NOP58: variants seen among roughly 807,000 people sequenced by gnomAD.
NOP58 encodes the protein nucleolar protein 58.
A neutral mutation model predicts 71.2 loss-of-function variants in NOP58; 44 were observed. The ratio of observed to expected loss-of-function variants is 0.62; its 90% CI spans 0.49 to 0.79. NOP58 has a LOEUF of 0.79. Among genes scored for constraint, NOP58 ranks in the 30% least tolerant of loss-of-function variants. The pLI is 0.00. For missense variants in NOP58, 538 were observed against 620.2 expected (o/e 0.87, Z 1.41); for synonymous variants, 228 against 200.3 (o/e 1.14, Z -1.17).
chr2:202,300,441 G>C lies in NOP58; in HGVS notation c.1402+74G>C, dbSNP rs986223287. On this transcript the variant is annotated intron_variant, in intron 13 of 14. Coordinates refer to ENST00000264279, the MANE Select transcript of NOP58 (RefSeq NM_015934.5). ...ACTGTGGATTTTGTGAGTCTTAAAA[G>C]TACATGCCATCCCACTTTATTATAA... 2.4e-6 allele frequency: 3 copies of C among 1,230,178 alleles called. No individual in the cohort carries two copies. In the African/African-American group the frequency reaches 4.6e-5, roughly 19 times the overall value. 76.2% of individuals were successfully genotyped at this position (1,230,178 alleles called of 1,614,324 possible).
At chr2:202,293,883 C>G (rs1423904852) in intron 9 of NOP58, among the ~76,000 whole-genome samples, 1 of 151,932 alleles carries the variant, frequency 6.6e-6, no homozygotes, top group African/African-American at 2.4e-5. Context: ...CCTGGCGTAA[C>G]TCCTTTAGCT....
chr2:202,300,259 G>T lies in NOP58; in HGVS notation c.1294G>T (p.Gly432Cys). The T allele has an allele frequency of 6.3e-7, 1 of 1,594,466 alleles. No individual in the cohort carries two copies. The highest frequency in any genetic ancestry group is 8.5e-7 in the Non-Finnish European group (1 of 1,175,684). The change falls in exon 13 of 15, where the codon GGT becomes TGT. Residue 432 changes from glycine to cysteine, a missense_variant. Transcript: ENST00000264279. ...TGAAGTGAAGACTTACGATCCTTCT[G>T]GTGACTCCACACTTCCAACCTGTTC... ...KSEVKTYDPS[G>C]DSTLPTCSKK...
At chr2:202,295,615 A>C in intron 9 of NOP58, 59 bp from the exon 10 acceptor site, 9 of 1,213,280 alleles carry the variant, frequency 7.4e-6, no homozygotes, top group Non-Finnish European at 1.0e-5. Context: ...CTTTTGTTTC[A>C]GTACGTGGAA....
rs182759383 is a variant in NOP58, at chr2:202,294,497, T to G, written c.908-1177T>G. On this transcript the variant is annotated intron_variant, in intron 9 of 14. Transcript: ENST00000264279. ...TTGATAACAATAGTCCCCAGCTATT[T>G]ATGGAGATGTATTCTAAGCTCCCCC... 9.2e-5 allele frequency among the ~76,000 whole-genome samples: 14 copies of G among 152,262 alleles called. No individual in the cohort carries two copies. In the East Asian group the frequency reaches 1.9e-3, roughly 21 times the overall value.
In NOP58 at chr2:202,293,575, T is replaced by C. The variant is rs1014320265; in HGVS notation, c.907+672T>C. On this transcript the variant is annotated intron_variant, in intron 9 of 14. Coordinates refer to ENST00000264279, the MANE Select transcript of NOP58 (RefSeq NM_015934.5). ...ATCATCTGCATCAGAGTGTTTAAAA[T>C]GGCATAACTCCTTTTTTTTTGTTTG... Among the ~76,000 whole-genome samples the C allele has an allele frequency of 7.2e-5, 11 of 152,208 alleles. 1 individual carries two copies. The highest frequency in any genetic ancestry group is 1.9e-4 in the African/African-American group (8 of 41,466).
At chr2:202,298,184 AT>A (rs1174514731) in intron 12 of NOP58, among the ~76,000 whole-genome samples, 5 of 152,218 alleles carry the variant, frequency 3.3e-5, no homozygotes, top group African/African-American at 1.2e-4. Flanking sequence ...AATATAATAC[AT>A]TGTTAGCTGT....
intron 2 of NOP58, among the ~76,000 whole-genome samples, chr2:202,277,258 T>C (rs963874035): frequency 6.6e-6 from 1 of 151,062 alleles, no homozygotes; most frequent in Non-Finnish European, 1.5e-5. Flanking sequence ...TGAGCCGAGA[T>C]TGCGCCACTG....
intron 5 of NOP58, 163 bp downstream of exon 5, chr2:202,284,644 C>A: frequency 2.9e-6 from 2 of 678,858 alleles, no homozygotes; most frequent in Non-Finnish European, 2.3e-6. Context: ...AGCCCAAGGT[C>A]AATACAGCTG....
intron 3 of NOP58, among the ~76,000 whole-genome samples, chr2:202,281,234 C>T (rs929103549): frequency 4.6e-5 from 7 of 151,336 alleles, no homozygotes; most frequent in African/African-American, 1.7e-4. Flanking sequence ...TCAAGCGATT[C>T]TCCTACCTCA....
At chr2:202,298,170 C>A (rs769285065) in intron 12 of NOP58, among the ~76,000 whole-genome samples, 73 of 152,136 alleles carry the variant, frequency 4.8e-4, no homozygotes, top group Non-Finnish European at 7.5e-4. Flanking sequence ...TAGCAATTTT[C>A]AAGAATATAA....
chr2:202,289,459 C>T (rs1688849892), intron 6 of NOP58, among the ~76,000 whole-genome samples: 1 of 152,158 alleles, frequency 6.6e-6, no homozygotes, highest in East Asian at 1.9e-4. Context: ...GTAAAATTAC[C>T]TTCAAGGTTT....
chr2:202,268,147 GAT>G (rs1171207596), intron 1 of NOP58, among the ~76,000 whole-genome samples: 1 of 152,114 alleles, frequency 6.6e-6, no homozygotes, highest in Non-Finnish European at 1.5e-5. Flanking sequence ...AAATTAATAT[GAT>G]ATATGGTGAA....
chr2:202,294,336 C>CAAAA (rs1231907557), intron 9 of NOP58, among the ~76,000 whole-genome samples: 2 of 71,444 alleles, frequency 2.8e-5, no homozygotes, highest in Non-Finnish European at 2.8e-5. Flanking sequence ...AACTCCATCT[C>CAAAA]AAAAAAAAAA....
At chr2:202,281,357 T>C (rs1461214952) in intron 3 of NOP58, among the ~76,000 whole-genome samples, 1 of 151,876 alleles carries the variant, frequency 6.6e-6, no homozygotes, top group African/African-American at 2.4e-5. Context: ...ACTCCTGACC[T>C]TAGGTGATCT....
Position 202,277,933 on chromosome 2 carries a change from T to C in NOP58, c.123-17T>C, listed in dbSNP as rs571450282. On this transcript the variant is annotated splice_polypyrimidine_tract_variant and intron_variant, in intron 2 of 14. Transcript: ENST00000264279. Reference sequence around the variant, plus strand: ...TGCCCCCAATAACATGTTTATCTCTTTTTTTTTTAATTCTAGAGTAAAGCT... The same window carrying C: ...TGCCCCCAATAACATGTTTATCTCTCTTTTTTTTAATTCTAGAGTAAAGCT... 3.5e-4 allele frequency: 455 copies of C among 1,312,458 alleles called. 2 individuals carry two copies. The highest frequency in any genetic ancestry group is 1.8e-4 in the African/African-American group (4 of 22,364). The allele number at this position is 1,312,458 out of a possible 1,614,324, so 81.3% of individuals were successfully genotyped here. A position where few individuals can be genotyped will look rare whatever the true frequency, so the allele number is the denominator to read the frequency against.
intron 1 of NOP58, among the ~76,000 whole-genome samples, chr2:202,272,375 C>T (rs1207331698): frequency 5.3e-5 from 8 of 151,846 alleles, no homozygotes; most frequent in African/African-American, 1.9e-4. Flanking sequence ...AGGATGGTCT[C>T]GATCTCCTGA....
rs372397138 is a variant in NOP58 at position 202,277,877 on chromosome 2, T to C, written c.123-73T>C. On this transcript the variant is annotated intron_variant, in intron 2 of 14. Coordinates refer to ENST00000264279, the MANE Select transcript of NOP58 (RefSeq NM_015934.5). ...CTTTGGAAACAGTCAAGCACTTCTTTCCAAGTTATGTGGCTTTTGAATCAA... is the reference window on the plus strand; with the variant it reads ...CTTTGGAAACAGTCAAGCACTTCTTCCCAAGTTATGTGGCTTTTGAATCAA... 53 of 796,972 alleles carry C rather than the reference T, an allele frequency of 6.7e-5. 1 individual carries two copies. The South Asian group carries it at 7.9e-4, about 12-fold the overall frequency. The allele number at this position is 796,972 out of a possible 1,614,324, so 49.4% of individuals were successfully genotyped here.
intron 3 of NOP58, among the ~76,000 whole-genome samples, chr2:202,281,826 C>T (rs190755610): frequency 5.9e-5 from 9 of 152,262 alleles, no homozygotes; most frequent in East Asian, 1.9e-4. Context: ...GAAATACCAG[C>T]GGTCTCAAAA....
chr2:202,269,185 T>C (rs1688474403), intron 1 of NOP58, among the ~76,000 whole-genome samples: 1 of 151,096 alleles, frequency 6.6e-6, no homozygotes, highest in South Asian at 2.1e-4. Context: ...ATTTATTTAT[T>C]TTTTGAGATG....
Sources: allele counts gnomAD v4.1 joint callset (sites outside exome capture counted in the v4.1 genomes callset), GRCh38; gene constraint gnomAD v4.1.1; transcripts MANE v1.5; gene names NCBI Gene and HGNC (gene_info 2026-07-23, HGNC 2026-07-21).